Variants in USP25 observed in about 807,000 individuals in gnomAD.
USP25 encodes the protein ubiquitin carboxyl-terminal hydrolase 25.
USP25 carries 85 observed loss-of-function variants against 158.5 expected under a neutral mutation model. That is an observed-to-expected ratio of 0.54 (90% CI 0.45 to 0.64). The LOEUF (loss-of-function observed/expected upper bound fraction) is 0.64. Among genes scored for constraint, USP25 ranks in the 30% least tolerant of loss-of-function variants. The pLI is 0.00. For missense variants in USP25, 1,242 were observed against 1,327.3 expected, an observed-to-expected ratio of 0.94 and a Z score of 1.00; for synonymous variants, 464 against 460.4, an observed-to-expected ratio of 1.01 and a Z score of -0.10.
intron 18 of USP25, among the ~76,000 whole-genome samples, 199 bp downstream of exon 18, chr21:15,842,739 C>G (rs1349438452): frequency 2.6e-5 from 4 of 152,130 alleles, no homozygotes; most frequent in African/African-American, 9.7e-5. Flanking sequence ...AGACACTTTT[C>G]TCTTAAGTTT....
chr21:15,755,184 T>G (rs2033294992), intron 1 of USP25, among the ~76,000 whole-genome samples: 1 of 152,034 alleles, frequency 6.6e-6, no homozygotes, highest in Non-Finnish European at 1.5e-5. Context: ...TTAGAAAATT[T>G]GGAAGGTTTT....
Position 15,875,753 on chromosome 21 carries a change from G to A in USP25, c.3009+1227G>A, listed in dbSNP as rs373479379. Among the ~76,000 whole-genome samples, 5 of 152,196 alleles carry A rather than the reference G, an allele frequency of 3.3e-5. No individual in the cohort carries two copies. The East Asian group carries it at 9.6e-4, about 29-fold the overall frequency. On this transcript the variant is annotated intron_variant, in intron 24 of 25. Transcript: ENST00000400183. This position sits in a 1 kb window ranked among gnomAD's most constrained non-coding sequence, Gnocchi z 4.7. ...TCCAGGTTATGAGGAAGTGGGGTAA[G>A]GTGGAAGTGATGAAGCTGACAATAC... is the stretch of plus-strand genomic sequence containing the variant.
intron 1 of USP25, among the ~76,000 whole-genome samples, chr21:15,752,624 T>A (rs2033105440): frequency 6.6e-6 from 1 of 152,252 alleles, no homozygotes; most frequent in South Asian, 2.1e-4. Context: ...AACCATCATT[T>A]ATCTAGGACT....
chr21:15,815,204 C>T (rs2036874923), intron 9 of USP25, among the ~76,000 whole-genome samples: 1 of 152,130 alleles, frequency 6.6e-6, no homozygotes, highest in Non-Finnish European at 1.5e-5. Context: ...GGTTTGGGCA[C>T]CTCCACCTAG....
intron 20 of USP25, among the ~76,000 whole-genome samples, chr21:15,862,820 T>A (rs578155051): frequency 5.6e-4 from 85 of 151,308 alleles, no homozygotes; most frequent in Non-Finnish European, 9.9e-4. Context: ...CTATTTATAA[T>A]CTTATGCTGC....
chr21:15,810,989 C>A, intron 8 of USP25, 148 bp from the exon 9 acceptor site: 1 of 634,438 alleles, frequency 1.6e-6, no homozygotes, highest in South Asian at 2.0e-5. Context: ...CCTTGTGCAA[C>A]GTGGCACTGT....
Position 15,826,103 on chromosome 21 carries a change from G to T in USP25, c.1305-101G>T. ...AAAGCAAATGAATTTTATTGCTGAG[G>T]AAGTTTTATTGAAGTATCGTATCAC... is the stretch of plus-strand genomic sequence containing the variant. On this transcript the variant is annotated intron_variant, in intron 12 of 25. Coordinates refer to ENST00000400183, the MANE Select transcript of USP25 (RefSeq NM_001283041.3). The surrounding 1 kb of genome is among the most constrained non-coding windows in gnomAD (Gnocchi z 4.8). The T allele has an allele frequency of 4.1e-6, 5 of 1,213,490 alleles. No individual in the cohort carries two copies. Among genetic ancestry groups the T allele is most frequent in the South Asian group, 1.6e-5 (1 of 63,260 alleles). 75.2% of individuals were successfully genotyped at this position (1,213,490 alleles called of 1,614,324 possible). A position where few individuals can be genotyped will look rare whatever the true frequency, so the allele number is the denominator to read the frequency against.
At chr21:15,854,838 GA>G (rs563439563) in intron 20 of USP25, among the ~76,000 whole-genome samples, 2 of 150,484 alleles carry the variant, frequency 1.3e-5, no homozygotes, top group Non-Finnish European at 3.0e-5. Flanking sequence ...AGTTGATCTG[GA>G]AAAAAAAATG....
At chr21:15,847,549 A>T in intron 18 of USP25, 114 bp from the exon 19 acceptor site, 1 of 657,278 alleles carries the variant, frequency 1.5e-6, no homozygotes, top group Non-Finnish European at 2.6e-6. Context: ...AAAATAAGTC[A>T]TATGGATACA....
At chr21:15,771,901 TA>T (rs1468307570) in intron 3 of USP25, among the ~76,000 whole-genome samples, 1 of 152,148 alleles carries the variant, frequency 6.6e-6, no homozygotes, top group Non-Finnish European at 1.5e-5. Context: ...AAACTTGGCT[TA>T]TTTTTTTTAA....
chr21:15,788,534 G>C (rs2035418974), intron 4 of USP25, among the ~76,000 whole-genome samples: 1 of 152,142 alleles, frequency 6.6e-6, no homozygotes. Flanking sequence ...ACACTGATTG[G>C]AGACACTGGT....
At chr21:15,752,006 C>T (rs1411748889) in intron 1 of USP25, among the ~76,000 whole-genome samples, 4 of 152,218 alleles carry the variant, frequency 2.6e-5, no homozygotes, top group Admixed American at 2.6e-4. Flanking sequence ...GCAATCTCAG[C>T]TCACTGCAAC....
chr21:15,791,213 T>C (rs1175604301), intron 4 of USP25, among the ~76,000 whole-genome samples: 1 of 151,880 alleles, frequency 6.6e-6, no homozygotes, highest in East Asian at 1.9e-4. Context: ...GATGGTATAT[T>C]CCTGGTACTA....
At position 15,879,669 on chromosome 21, in the gene USP25, A is replaced by G. The variant is rs2040220163; in HGVS notation, c.*1194A>G. 1 of 152,594 alleles carries G rather than the reference A, an allele frequency of 6.6e-6. No individual in the cohort carries two copies. The highest frequency in any genetic ancestry group is 1.5e-5 in the Non-Finnish European group (1 of 67,978). 9.5% of individuals were successfully genotyped at this position (152,594 alleles called of 1,614,324 possible). A position where few individuals can be genotyped will look rare whatever the true frequency, so the allele number is the denominator to read the frequency against. On this transcript the variant is annotated 3_prime_UTR_variant, in exon 26 of 26. Transcript: ENST00000400183. ...TTTTTGAATTCATAAAAATTTCTTT[A>G]TAAATGATGTTTTGTGAACATAGTA...
chr21:15,812,637 C>T (rs1042010539), intron 9 of USP25, among the ~76,000 whole-genome samples: 10 of 148,542 alleles, frequency 6.7e-5, no homozygotes, highest in African/African-American at 2.0e-4. Flanking sequence ...GGAGACAGAG[C>T]GAGACTCCGT....
At chr21:15,730,976 GTTT>G (rs748732727) in intron 1 of USP25, among the ~76,000 whole-genome samples, 554 of 53,610 alleles carry the variant, frequency 0.01, no homozygotes, top group Middle Eastern at 0.06. Context: ...CTTCTTTTCT[GTTT>G]TTTTTTTTTT....
chr21:15,743,036 G>A (rs749853411), intron 1 of USP25, among the ~76,000 whole-genome samples: 19 of 152,244 alleles, frequency 1.2e-4, no homozygotes, highest in Non-Finnish European at 2.2e-4. Context: ...GAGTCCCGAG[G>A]TCTGAGCCAC....
intron 4 of USP25, among the ~76,000 whole-genome samples, chr21:15,783,951 CAG>C (rs576581978): frequency 5.3e-4 from 80 of 152,048 alleles, no homozygotes; most frequent in African/African-American, 1.9e-3. Context: ...GCCTGGGCGA[CAG>C]AGCGAGACTC....
intron 17 of USP25, among the ~76,000 whole-genome samples, chr21:15,835,869 C>T (rs903785872): frequency 6.6e-6 from 1 of 152,124 alleles, no homozygotes; most frequent in Non-Finnish European, 1.5e-5. Context: ...GTTTCTATTA[C>T]TGTTATCTTT....
Sources: allele counts gnomAD v4.1 joint callset (sites outside exome capture counted in the v4.1 genomes callset), GRCh38; gene constraint gnomAD v4.1.1; non-coding constraint Gnocchi (gnomAD v3.1); transcripts MANE v1.5; gene names NCBI Gene and HGNC (gene_info 2026-07-23, HGNC 2026-07-21).